The following VPS35 variants were observed in gnomAD, a reference collection of about 807,000 sequenced individuals.
The protein encoded by VPS35 is VPS35 retromer complex component.
A neutral mutation model predicts 98.1 loss-of-function variants in VPS35; 21 were observed. The ratio of observed to expected loss-of-function variants is 0.21; its 90% CI spans 0.15 to 0.31. VPS35 has a LOEUF of 0.31. Ranked by LOEUF, VPS35 falls within the 10% of genes least tolerant of loss-of-function variation. The pLI is 1.00. For synonymous variants in VPS35, 268 were observed against 318.2 expected (o/e 0.84, Z 1.68); for missense variants, 554 against 950.8 (o/e 0.58, Z 5.49).
chr16:46,689,074 G>C (rs543764837), intron 1 of VPS35, 57 bp downstream of exon 1: 2 of 1,592,734 alleles, frequency 1.3e-6, no homozygotes, highest in African/African-American at 2.7e-5. Context: ...GGCGGTGGGA[G>C]AGAGCAGGGG....
chr16:46,665,757 C>A (rs1965979972), intron 13 of VPS35, among the ~76,000 whole-genome samples: 1 of 152,132 alleles, frequency 6.6e-6, no homozygotes, highest in Non-Finnish European at 1.5e-5. Context: ...AGTTTGTATT[C>A]TTTGGCAACT....
intron 12 of VPS35, chr16:46,669,354 T>G: frequency 2.7e-6 from 1 of 373,698 alleles, no homozygotes; most frequent in African/African-American, 2.1e-5. Flanking sequence ...ATGTGCAAAG[T>G]ATGCTGCACT....
At chr16:46,687,947 C>T (rs1966347840) in intron 1 of VPS35, among the ~76,000 whole-genome samples, 1 of 152,216 alleles carries the variant, frequency 6.6e-6, no homozygotes, top group African/African-American at 2.4e-5. Context: ...GTAATACATC[C>T]TCAATTAAGT....
In VPS35 at chr16:46,668,942, C is replaced by G. The variant is rs1347397464; in HGVS notation, c.1635G>C (p.Glu545Asp). 5 of 1,613,994 alleles carry G rather than the reference C, an allele frequency of 3.1e-6. No individual in the cohort carries two copies. In the South Asian group the frequency reaches 3.3e-5, roughly 11 times the overall value. ...AAAGTAAACTCACCACTTTAGAATT[C>G]TCTTTATATCGAAAAGCCAGCTGGT... ...AAYQLAFRYK[E>D]NSKVDDKWEK... Residue 545 changes from glutamate (E) to aspartate (D), a missense_variant, in exon 13 of 17, where the codon GAG becomes GAC. This residue lies in a region of VPS35 where 254 missense variants were observed against 390.1 expected (regional missense o/e 0.65). Coordinates refer to ENST00000299138, the MANE Select transcript of VPS35 (RefSeq NM_018206.6).
At position 46,680,672 on chromosome 16, in the gene VPS35, C is replaced by G. The variant is rs1434089382; in HGVS notation, c.505G>C (p.Asp169His). The change falls in exon 5 of 17, where the codon GAT becomes CAT. Residue 169 changes from aspartate to histidine, a missense_variant and splice_region_variant. Transcript: ENST00000299138. ...AAATTAAGAAAGAAAATCACTTACT[C>G]TGTTGGCTCTCCTTCATCAGGTAAG... Reference protein sequence around the residue: ...NILPDEGEPTDEETTGDISDS... With the variant: ...NILPDEGEPTHEETTGDISDS... 2 of 1,613,638 alleles carry G rather than the reference C, an allele frequency of 1.2e-6. No homozygotes were observed. Among genetic ancestry groups the G allele is most frequent in the Admixed American group, 1.7e-5 (1 of 59,974 alleles).
chr16:46,688,223 A>T (rs534501389), intron 1 of VPS35: 2 of 740,136 alleles, frequency 2.7e-6, no homozygotes, highest in East Asian at 1.3e-4. Flanking sequence ...TGAGTAAGGT[A>T]ATTAAAGCGG....
Position 46,659,899 on chromosome 16 carries a change from T to TAGG in VPS35, c.*572_*573insCCT. ...AATATGCAAAATATAGCTTCTGGTT[T>TAGG]TGACCATGGTGCTTTAAAATTCTCA... On this transcript the variant is annotated 3_prime_UTR_variant, in exon 17 of 17. Transcript: ENST00000299138. The TAGG allele has an allele frequency of 6.6e-6, 1 of 152,658 alleles. No individual in the cohort carries two copies. Among genetic ancestry groups the TAGG allele is most frequent in the East Asian group, 1.9e-4 (1 of 5,206 alleles). The allele number at this position is 152,658 out of a possible 1,614,324, so 9.5% of individuals were successfully genotyped here. A position where few individuals can be genotyped will look rare whatever the true frequency, so the allele number is the denominator to read the frequency against.
intron 6 of VPS35, among the ~76,000 whole-genome samples, chr16:46,678,299 G>A (rs1259611955): frequency 2.1e-5 from 2 of 95,206 alleles, no homozygotes; most frequent in Non-Finnish European, 3.9e-5. Context: ...CTTAGCTGAT[G>A]AGCTTTAAAA....
Position 46,676,605 on chromosome 16 carries a change from T to G in VPS35, c.892A>C (p.Ile298Leu). ...TACCTATCAATTAAAGCAATGATTA[T>G]GTTCTTCACATTTACATTCTGGTGT... ...ELHQNVNVKN[I>L]IIALIDRLAL... The change falls in exon 8 of 17, where the codon ATA becomes CTA. Residue 298 changes from isoleucine (I) to leucine (L), a missense_variant. By Grantham distance (5) the Ile-to-Leu change is conservative (BLOSUM62 2). Around this residue, in one of 5 missense-constraint regions of VPS35, gnomAD observed 254 missense variants for 390.1 expected, o/e 0.65. Coordinates refer to ENST00000299138, the MANE Select transcript of VPS35 (RefSeq NM_018206.6). The G allele has an allele frequency of 3.7e-6, 6 of 1,610,120 alleles. No homozygotes were observed. The highest frequency in any genetic ancestry group is 5.1e-6 in the Non-Finnish European group (6 of 1,177,710).
At chr16:46,689,057 A>T in intron 1 of VPS35, 74 bp downstream of exon 1, 1 of 1,579,522 alleles carries the variant, frequency 6.3e-7, no homozygotes, top group Non-Finnish European at 8.6e-7. Flanking sequence ...CACTCGCTGG[A>T]GTGCGGGGCG....
Position 46,683,490 on chromosome 16 carries a change from C to T in VPS35, c.102+18G>A. On this transcript the variant is annotated intron_variant, in intron 2 of 16. Transcript: ENST00000299138. ...AACACACGAACTGCAACTGTGCCTCCCACATCTCCATTCTTACCAGGCATC... is the reference window on the plus strand; with the variant it reads ...AACACACGAACTGCAACTGTGCCTCTCACATCTCCATTCTTACCAGGCATC... 6.2e-7 allele frequency: 1 copy of T among 1,609,920 alleles called. No individual in the cohort carries two copies. Among genetic ancestry groups the T allele is most frequent in the Non-Finnish European group, 8.5e-7 (1 of 1,177,608 alleles).
In VPS35 at chr16:46,688,951, G is replaced by A. The variant is rs757888472; in HGVS notation, c.3+180C>T. 3.3e-6 allele frequency: 5 copies of A among 1,494,862 alleles called. No individual in the cohort carries two copies. The South Asian group carries it at 3.8e-5, about 11-fold the overall frequency. 92.6% of individuals were successfully genotyped at this position (1,494,862 alleles called of 1,614,324 possible). ...CAAGAGCCGCCGCCCACCCCGGCCCGGATCAGCCTGCCCGCGGCCTTCCTC... is the reference window on the plus strand; with the variant it reads ...CAAGAGCCGCCGCCCACCCCGGCCCAGATCAGCCTGCCCGCGGCCTTCCTC... On this transcript the variant is annotated intron_variant, in intron 1 of 16. Transcript: ENST00000299138.
In VPS35 at chr16:46,661,110, A is replaced by T. The variant is rs1011280798; in HGVS notation, c.2212-459T>A. On this transcript the variant is annotated intron_variant, in intron 16 of 16. Transcript: ENST00000299138. The surrounding 1 kb of genome is among the most constrained non-coding windows in gnomAD (Gnocchi z 4.3). ...TGCAATGAGCTGAGATTGCCACTGC[A>T]CTCCAGCCTGGGTGACAGAGCCAGA... 6.6e-6 allele frequency among the ~76,000 whole-genome samples: 1 copy of T among 152,096 alleles called. No individual in the cohort carries two copies. Among genetic ancestry groups the T allele is most frequent in the Non-Finnish European group, 1.5e-5 (1 of 68,026 alleles).
At position 46,659,134 on chromosome 16, in the gene VPS35, G is replaced by A. The variant is rs986063443; in HGVS notation, c.*1338C>T. The A allele has an allele frequency of 1.3e-5, 2 of 152,036 alleles. No individual in the cohort carries two copies. Among genetic ancestry groups the A allele is most frequent in the Admixed American group, 6.6e-5 (1 of 15,236 alleles). 9.4% of individuals were successfully genotyped at this position (152,036 alleles called of 1,614,324 possible). A position where few individuals can be genotyped will look rare whatever the true frequency, so the allele number is the denominator to read the frequency against. Reference sequence around the variant, plus strand: ...AGGAACTGGGGCCTCTGCCCTCAAGGAAAGGAACTTAGGCCTCTGCCCTCA... The same window carrying A: ...AGGAACTGGGGCCTCTGCCCTCAAGAAAAGGAACTTAGGCCTCTGCCCTCA... On this transcript the variant is annotated 3_prime_UTR_variant, in exon 17 of 17. Coordinates refer to ENST00000299138, the MANE Select transcript of VPS35 (RefSeq NM_018206.6).
intron 14 of VPS35, 55 bp from the exon 15 acceptor site, chr16:46,662,537 C>T: frequency 6.2e-7 from 1 of 1,605,306 alleles, no homozygotes; most frequent in South Asian, 1.1e-5. Context: ...TCTAGTTGAG[C>T]ATTTTCCAAA....
intron 13 of VPS35, among the ~76,000 whole-genome samples, chr16:46,668,520 T>C (rs1031298786): frequency 2.6e-5 from 4 of 152,210 alleles, no homozygotes; most frequent in Middle Eastern, 3.2e-3. Context: ...ACTCAAGCCA[T>C]GGTTCCATTT....
rs1346360867 is a variant in VPS35 at position 46,689,176 on chromosome 16, C to T, written c.-43G>A. 1.9e-6 allele frequency: 3 copies of T among 1,599,332 alleles called. No individual in the cohort carries two copies. Among genetic ancestry groups the T allele is most frequent in the African/African-American group, 2.7e-5 (2 of 74,748 alleles). On this transcript the variant is annotated 5_prime_UTR_variant, in exon 1 of 17. Coordinates refer to ENST00000299138, the MANE Select transcript of VPS35 (RefSeq NM_018206.6). Reference sequence around the variant, plus strand: ...TGCAGCAAGCAGCACCCGCCCCGCGCGTAGCCTCCCGCGGTCATGTGACGC... The same window carrying T: ...TGCAGCAAGCAGCACCCGCCCCGCGTGTAGCCTCCCGCGGTCATGTGACGC...
intron 5 of VPS35, among the ~76,000 whole-genome samples, chr16:46,679,557 T>C (rs1196239088): frequency 6.6e-6 from 1 of 152,070 alleles, no homozygotes; most frequent in Non-Finnish European, 1.5e-5. Flanking sequence ...TGAGACCCCA[T>C]CCCCACAAAC....
chr16:46,661,652 T>C lies in VPS35; in HGVS notation c.2211+66A>G, dbSNP rs1393780338. 1 of 1,434,082 alleles carries C rather than the reference T, an allele frequency of 7.0e-7. No homozygotes were observed. The highest frequency in any genetic ancestry group is 2.3e-5 in the East Asian group (1 of 43,878). The allele number at this position is 1,434,082 out of a possible 1,614,324, so 88.8% of individuals were successfully genotyped here. On this transcript the variant is annotated intron_variant, in intron 16 of 16. Transcript: ENST00000299138. This position sits in a 1 kb window ranked among gnomAD's most constrained non-coding sequence, Gnocchi z 4.3. ...TCAGAATGATAAACTTTTGTACATA[T>C]CAAATCTCCTAAGAGTAGGAAGGGA...
Sources: allele counts gnomAD v4.1 joint callset (sites outside exome capture counted in the v4.1 genomes callset), GRCh38; gene constraint gnomAD v4.1.1; regional missense constraint gnomAD v4.1.1; non-coding constraint Gnocchi (gnomAD v3.1); transcripts MANE v1.5; gene names NCBI Gene and HGNC (gene_info 2026-07-23, HGNC 2026-07-21).